Variants in PLCB4 observed in about 807,000 individuals in gnomAD.
PLCB4 encodes 1-phosphatidylinositol 4,5-bisphosphate phosphodiesterase beta-4.
PLCB4 carries 77 observed loss-of-function variants against 178.8 expected under a neutral mutation model. The ratio of observed to expected loss-of-function variants is 0.43; its 90% CI spans 0.36 to 0.52. The LOEUF is 0.52. Among genes scored for constraint, PLCB4 ranks in the 20% least tolerant of loss-of-function variants. PLCB4 has a pLI of 0.00. For synonymous variants in PLCB4, 496 were observed against 490.8 expected (o/e 1.01, Z -0.14); for missense variants, 1,024 against 1,453.4 (o/e 0.70, Z 4.80).
intron 2 of PLCB4, among the ~76,000 whole-genome samples, chr20:9,153,986 T>C (rs1196387677): frequency 1.3e-5 from 2 of 152,216 alleles, no homozygotes; most frequent in Non-Finnish European, 2.9e-5. Context: ...CAAAATAGGC[T>C]ACATGGTACT....
chr20:9,213,359 G>C (rs1271881440), intron 2 of PLCB4, among the ~76,000 whole-genome samples: 1 of 140,936 alleles, frequency 7.1e-6, no homozygotes, highest in Non-Finnish European at 1.5e-5. Context: ...TGGCTAGGCT[G>C]GTCTTGAACT....
chr20:9,092,280 T>C (rs1451137209), intron 1 of PLCB4, among the ~76,000 whole-genome samples: 2 of 152,332 alleles, frequency 1.3e-5, no homozygotes, highest in East Asian at 3.9e-4. Context: ...ATTGTTATCA[T>C]TCTCTTTTGC....
intron 33 of PLCB4, among the ~76,000 whole-genome samples, chr20:9,454,863 T>C (rs1469970372): frequency 6.6e-6 from 1 of 152,236 alleles, no homozygotes; most frequent in Non-Finnish European, 1.5e-5. Flanking sequence ...GCACTGATTA[T>C]TGAGCATCTG....
intron 3 of PLCB4, among the ~76,000 whole-genome samples, chr20:9,248,605 G>A (rs1297700974): frequency 1.3e-5 from 2 of 152,116 alleles, no homozygotes; most frequent in Admixed American, 6.5e-5. Context: ...TAAAGAGTTT[G>A]CATTATTTAT....
intron 1 of PLCB4, among the ~76,000 whole-genome samples, chr20:9,069,886 A>C (rs908501851): frequency 6.6e-6 from 1 of 152,174 alleles, no homozygotes; most frequent in Admixed American, 6.5e-5. Context: ...ACTGCCCACT[A>C]TAGTTTCCAT....
intron 2 of PLCB4, among the ~76,000 whole-genome samples, chr20:9,104,450 G>T (rs2091289562): frequency 6.6e-6 from 1 of 152,118 alleles, no homozygotes; most frequent in South Asian, 2.1e-4. Flanking sequence ...AAGTGTCAAA[G>T]AATTTGGGGA....
chr20:9,455,810 G>T lies in PLCB4; in HGVS notation c.2997-1604G>T, dbSNP rs555333916. Among the ~76,000 whole-genome samples the T allele has an allele frequency of 1.4e-4, 22 of 152,288 alleles. 1 individual carries two copies. In the South Asian group the frequency reaches 3.5e-3, roughly 24 times the overall value. On this transcript the variant is annotated intron_variant, in intron 33 of 39. Coordinates refer to ENST00000378473, the MANE Select transcript of PLCB4 (RefSeq NM_001377142.1). ...TTTCTTCTGGAAAGCCATATCTGAG[G>T]AGAGTTTCTCATCATTAATATTCAC...
At chr20:9,439,860 A>G (rs1177418352) in intron 30 of PLCB4, among the ~76,000 whole-genome samples, 1 of 152,252 alleles carries the variant, frequency 6.6e-6, no homozygotes, top group East Asian at 1.9e-4. Flanking sequence ...ACAGTTGGCT[A>G]TTGATGTGTA....
intron 25 of PLCB4, among the ~76,000 whole-genome samples, chr20:9,411,831 T>C (rs2039882354): frequency 6.6e-6 from 1 of 152,120 alleles, no homozygotes; most frequent in African/African-American, 2.4e-5. Flanking sequence ...CCCAAAGGCC[T>C]GTAGAGGAAT....
rs750161274 is a variant in PLCB4 at position 9,468,682 on chromosome 20, A to AGAGT, written c.3350+12_3350+15dup. Reference sequence around the variant, plus strand: ...AAGCAGAACGGGAAAGGTAAGTCTGAGAGTGTTCACTGCAGGAATATGGCA... The same window carrying AGAGT: ...AAGCAGAACGGGAAAGGTAAGTCTGAGAGTGAGTGTTCACTGCAGGAATATGGCA... On this transcript the variant is annotated intron_variant, in intron 36 of 39. Transcript: ENST00000378473. 1 of 1,495,658 alleles carries AGAGT rather than the reference A, an allele frequency of 6.7e-7. No homozygotes were observed. The highest frequency in any genetic ancestry group is 1.7e-5 in the Admixed American group (1 of 59,852). 92.6% of individuals were successfully genotyped at this position (1,495,658 alleles called of 1,614,324 possible). A position where few individuals can be genotyped will look rare whatever the true frequency, so the allele number is the denominator to read the frequency against.
chr20:9,184,265 G>C (rs1387247047), intron 2 of PLCB4, among the ~76,000 whole-genome samples: 1 of 152,130 alleles, frequency 6.6e-6, no homozygotes, highest in East Asian at 1.9e-4. Flanking sequence ...GCATTCTTTA[G>C]CTTCTTTTAT....
chr20:9,317,239 G>A (rs1211525566), intron 4 of PLCB4, among the ~76,000 whole-genome samples: 2 of 152,112 alleles, frequency 1.3e-5, no homozygotes, highest in South Asian at 2.1e-4. Flanking sequence ...TTTACTCCTC[G>A]TGTTCTTTTA....
intron 3 of PLCB4, among the ~76,000 whole-genome samples, chr20:9,259,927 G>A (rs899996543): frequency 6.6e-6 from 1 of 152,076 alleles, no homozygotes; most frequent in Admixed American, 6.5e-5. Flanking sequence ...ATTTAAAATT[G>A]TTCTTAATAT....
chr20:9,290,338 C>T lies in PLCB4; in HGVS notation c.-15-17462C>T, dbSNP rs150128080. Among the ~76,000 whole-genome samples the T allele has an allele frequency of 3.1e-3, 477 of 152,084 alleles. 4 individuals carry two copies. The highest frequency in any genetic ancestry group is 0.01 in the African/African-American group (421 of 41,510). ...TTTCTCTCTCTTTTTCCCCAGCCTG[C>T]GGATATGGTTTGAATTAGAAGTTAA... On this transcript the variant is annotated intron_variant, in intron 3 of 39. Coordinates refer to ENST00000378473, the MANE Select transcript of PLCB4 (RefSeq NM_001377142.1).
intron 2 of PLCB4, among the ~76,000 whole-genome samples, chr20:9,150,393 G>T (rs2092671540): frequency 6.6e-6 from 1 of 152,004 alleles, no homozygotes; most frequent in Admixed American, 6.6e-5. Flanking sequence ...GGATAAATAG[G>T]GTTCCATGAT....
chr20:9,352,025 A>G (rs572737322), intron 7 of PLCB4, among the ~76,000 whole-genome samples: 1 of 152,358 alleles, frequency 6.6e-6, no homozygotes, highest in Non-Finnish European at 1.5e-5. Context: ...TAATGCTGTC[A>G]AAAAACTGAT....
rs373679698 is a variant in PLCB4 at position 9,401,468 on chromosome 20, T to C, written c.1511-22T>C. The C allele has an allele frequency of 1.4e-4, 217 of 1,563,962 alleles. No individual in the cohort carries two copies. In the African/African-American group the frequency reaches 2.7e-3, roughly 20 times the overall value. ...TTGGCAGTGGTTTGGTGTCATGGAT[T>C]TTCCATTTGTCTTTCACACAGCTGA... On this transcript the variant is annotated intron_variant, in intron 19 of 39. Transcript: ENST00000378473.
chr20:9,336,651 A>G (rs1346648644), intron 4 of PLCB4, among the ~76,000 whole-genome samples: 1 of 151,944 alleles, frequency 6.6e-6, no homozygotes, highest in African/African-American at 2.4e-5. Context: ...GCTGTTCAAG[A>G]TGCGCTTTAC....
intron 1 of PLCB4, among the ~76,000 whole-genome samples, chr20:9,083,078 G>A (rs2090235169): frequency 6.6e-6 from 1 of 152,124 alleles, no homozygotes; most frequent in Non-Finnish European, 1.5e-5. Context: ...AAAACCTTCT[G>A]GAAATGTTCT....
Sources: gnomAD v4.1 joint callset for allele counts (sites outside exome capture counted in the v4.1 genomes callset) on GRCh38, gnomAD v4.1.1 for gene constraint, MANE v1.5 for transcripts, NCBI Gene and HGNC (gene_info 2026-07-23, HGNC 2026-07-21) for gene names.